RSPRY1: variants seen among roughly 807,000 people sequenced by gnomAD.
RSPRY1 encodes the protein ring finger and SPRY domain containing 1.
Under a neutral mutation model 73.1 loss-of-function variants are expected in RSPRY1, and 23 were observed. The ratio of observed to expected loss-of-function variants is 0.31; its 90% confidence interval spans 0.23 to 0.45. RSPRY1 has a LOEUF of 0.45. Among genes scored for constraint, RSPRY1 ranks in the 20% least tolerant of loss-of-function variants. The probability of loss-of-function intolerance (pLI) is 1.00; values close to 1 mark genes in which losing one functional copy is unlikely to be tolerated. For missense variants in RSPRY1, 448 were observed against 698.7 expected (o/e 0.64, Z 4.05); for synonymous variants, 226 against 251.4 (o/e 0.90, Z 0.95).
intron 1 of RSPRY1, among the ~76,000 whole-genome samples, chr16:57,189,301 T>A (rs562008493): frequency 6.6e-6 from 1 of 152,052 alleles, no homozygotes. Flanking sequence ...TGGCCCTCAG[T>A]GATTATTTTC....
At position 57,238,756 on chromosome 16, in the gene RSPRY1, C is replaced by A. The variant is rs116934773; in HGVS notation, c.1635-123C>A. On this transcript the variant is annotated intron_variant, in intron 14 of 14. Coordinates refer to ENST00000394420, the MANE Select transcript of RSPRY1 (RefSeq NM_133368.3). ...ATTTACATATTCATTTTTTTTAAACCATGTATAATTAGTAACCCTTTCAAT... is the reference window on the plus strand; with the variant it reads ...ATTTACATATTCATTTTTTTTAAACAATGTATAATTAGTAACCCTTTCAAT... 1,412 of 515,762 alleles carry A rather than the reference C, an allele frequency of 2.7e-3. 31 individuals are homozygous for A. The East Asian group carries it at 0.04, about 15-fold the overall frequency. 31.9% of individuals were successfully genotyped at this position (515,762 alleles called of 1,614,324 possible).
At chr16:57,215,741 T>C (rs906691136) in intron 6 of RSPRY1, among the ~76,000 whole-genome samples, 11 of 152,252 alleles carry the variant, frequency 7.2e-5, no homozygotes, top group Admixed American at 2.0e-4. Context: ...TTTTAGTTTA[T>C]AATTCTAGGT....
chr16:57,218,008 T>C (rs16967799), intron 8 of RSPRY1, among the ~76,000 whole-genome samples: 5,139 of 152,302 alleles, frequency 0.034, 274 homozygotes, highest in African/African-American at 0.12. Flanking sequence ...GTTTGATTGA[T>C]CTTCAAATGG....
intron 1 of RSPRY1, among the ~76,000 whole-genome samples, chr16:57,187,397 TC>T (rs2074246693): frequency 6.6e-6 from 1 of 152,138 alleles, no homozygotes; most frequent in Non-Finnish European, 1.5e-5. Context: ...GAGAGGTTGC[TC>T]CCCCTGGAGT....
At position 57,209,282 on chromosome 16, in the gene RSPRY1, T is replaced by C. The variant is rs2074788770; in HGVS notation, c.516+95T>C. On this transcript the variant is annotated intron_variant, in intron 4 of 14. Coordinates refer to ENST00000394420, the MANE Select transcript of RSPRY1 (RefSeq NM_133368.3). ...CATTTGATGTATTGTGTTTCATCTT[T>C]ATACATTTGGGGTCTGTTTTATTCA... 5 of 811,044 alleles carry C rather than the reference T, an allele frequency of 6.2e-6. No homozygotes were observed. The South Asian group carries it at 8.1e-5, about 13-fold the overall frequency. 50.2% of individuals were successfully genotyped at this position (811,044 alleles called of 1,614,324 possible).
At chr16:57,235,820 C>T (rs2075291960) in intron 14 of RSPRY1, among the ~76,000 whole-genome samples, 1 of 152,176 alleles carries the variant, frequency 6.6e-6, no homozygotes, top group African/African-American at 2.4e-5. Context: ...CATACCCTGC[C>T]TTGGTCTTAT....
chr16:57,187,570 A>G (rs2074256871), intron 1 of RSPRY1, among the ~76,000 whole-genome samples: 1 of 152,230 alleles, frequency 6.6e-6, no homozygotes, highest in South Asian at 2.1e-4. Context: ...GTGAAAGTAC[A>G]AATTACAAGC....
intron 4 of RSPRY1, among the ~76,000 whole-genome samples, chr16:57,211,266 T>TAAAAAAAA (rs531084194): frequency 7.5e-6 from 1 of 133,880 alleles, no homozygotes; most frequent in Non-Finnish European, 1.6e-5. Flanking sequence ...TTGTCTCTGT[T>TAAAAAAAA]AAAAAAAAAA....
Position 57,209,134 on chromosome 16 carries a change from C to G in RSPRY1, c.463C>G (p.Leu155Val), listed in dbSNP as rs1451216451. 3 of 1,613,268 alleles carry G rather than the reference C, an allele frequency of 1.9e-6. No homozygotes were observed. The highest frequency in any genetic ancestry group is 2.5e-6 in the Non-Finnish European group (3 of 1,179,546). The change falls in exon 4 of 15, where the codon CTG becomes GTG. Residue 155 changes from leucine to valine, a missense_variant. Physicochemically the swap from Leu to Val is conservative, Grantham distance 32. Transcript: ENST00000394420. ...LIRVIPLEDP[L>V]GPAVITLLLD... ...TAGAGTTATTCCACTGGAAGATCCA[C>G]TGGGACCAGCTGTTATAACATTGTT...
intron 4 of RSPRY1, among the ~76,000 whole-genome samples, chr16:57,212,232 G>C (rs960218034): frequency 2.0e-5 from 3 of 152,156 alleles, no homozygotes; most frequent in Non-Finnish European, 4.4e-5. Flanking sequence ...GATCACTTGA[G>C]CCCAGGAGGT....
intron 1 of RSPRY1, among the ~76,000 whole-genome samples, chr16:57,201,852 G>A (rs1474858935): frequency 1.3e-5 from 2 of 152,184 alleles, no homozygotes; most frequent in African/African-American, 2.4e-5. Flanking sequence ...GCAGGCACTC[G>A]GCAGGCTGAG....
Position 57,230,748 on chromosome 16 carries a change from G to A in RSPRY1, c.1311G>A (p.Lys437=). ...GATTTCTGTTAGACTTGAATGAAAA[G>A]CAAATGATCTTCTTTTTAAATGGCA... is the stretch of plus-strand genomic sequence containing the variant. The part of the protein sequence containing the change: ...TVGFLLDLNE[K]QMIFFLNGNQ... The change falls in exon 12 of 15, where the codon AAG becomes AAA. Residue 437 remains lysine, a synonymous_variant. Transcript: ENST00000394420. 1.2e-6 allele frequency: 2 copies of A among 1,611,106 alleles called. No individual in the cohort carries two copies. Among genetic ancestry groups the A allele is most frequent in the African/African-American group, 1.3e-5 (1 of 74,974 alleles).
intron 8 of RSPRY1, chr16:57,219,523 A>T (rs1004389766): frequency 6.6e-6 from 1 of 152,068 alleles, no homozygotes; most frequent in African/African-American, 2.4e-5. Context: ...ATGTTTTCCT[A>T]TTGACTTATA....
intron 1 of RSPRY1, among the ~76,000 whole-genome samples, chr16:57,189,152 G>A (rs1205119572): frequency 1.3e-5 from 2 of 151,632 alleles, no homozygotes; most frequent in Non-Finnish European, 2.9e-5. Context: ...CACCACCCGT[G>A]CCTGGCTAAT....
Position 57,227,466 on chromosome 16 carries a change from T to C in RSPRY1, c.1273+13T>C. On this transcript the variant is annotated intron_variant, in intron 11 of 14. Coordinates refer to ENST00000394420, the MANE Select transcript of RSPRY1 (RefSeq NM_133368.3). The stretch of plus-strand genomic sequence containing the variant: ...TGCTGGAAAGAAGGTATTCATTCCC[T>C]CCATTATAAATTTATCAAGTGGGTT... 6.4e-7 allele frequency: 1 copy of C among 1,564,378 alleles called. No individual in the cohort carries two copies. Among genetic ancestry groups the C allele is most frequent in the Non-Finnish European group, 8.8e-7 (1 of 1,134,792 alleles).
intron 11 of RSPRY1, among the ~76,000 whole-genome samples, chr16:57,228,151 C>T (rs113691752): frequency 1.2e-4 from 18 of 151,770 alleles, no homozygotes; most frequent in African/African-American, 2.7e-4. Flanking sequence ...CACCCACCTG[C>T]GGTCCCGGCT....
At chr16:57,214,559 A>C (rs1175690022) in intron 6 of RSPRY1, among the ~76,000 whole-genome samples, 7 of 152,214 alleles carry the variant, frequency 4.6e-5, no homozygotes, top group Admixed American at 4.6e-4. Context: ...GTCAATACCC[A>C]CTGATACGTG....
chr16:57,238,780 A>G (rs879059409), intron 14 of RSPRY1, 99 bp from the exon 15 acceptor site: 1 of 610,412 alleles, frequency 1.6e-6, no homozygotes, highest in East Asian at 2.9e-5. Context: ...AACCCTTTCA[A>G]TGAACAAACT....
At position 57,229,908 on chromosome 16, in the gene RSPRY1, T is replaced by A. The variant is rs187553509; in HGVS notation, c.1274-803T>A. Among the ~76,000 whole-genome samples, 1,144 of 151,270 alleles carry A rather than the reference T, an allele frequency of 7.6e-3. 5 individuals carry two copies. The highest frequency in any genetic ancestry group is 0.012 in the Non-Finnish European group (782 of 67,806). On this transcript the variant is annotated intron_variant, in intron 11 of 14. Coordinates refer to ENST00000394420, the MANE Select transcript of RSPRY1 (RefSeq NM_133368.3). ...ATTTAGTAGAGATGGGGTTTCACCATGTTGGCTGTGCTGGTCTCAAACTGA... is the reference window on the plus strand; with the variant it reads ...ATTTAGTAGAGATGGGGTTTCACCAAGTTGGCTGTGCTGGTCTCAAACTGA...
Sources: allele counts gnomAD v4.1 joint callset (sites outside exome capture counted in the v4.1 genomes callset), GRCh38; gene constraint gnomAD v4.1.1; transcripts MANE v1.5; gene names NCBI Gene and HGNC (gene_info 2026-07-23, HGNC 2026-07-21).